Variants in TMEFF2 observed in about 807,000 individuals in gnomAD.
The protein encoded by TMEFF2 is transmembrane protein with EGF like and two follistatin like domains 2.
A neutral mutation model predicts 53.8 loss-of-function variants in TMEFF2; 28 were observed. The observed-to-expected ratio is 0.52, with a 90% CI of 0.39 to 0.71. TMEFF2 has a LOEUF of 0.71. TMEFF2 is among the 30% of genes least tolerant of loss of function. The pLI is 0.00. For missense variants in TMEFF2, 353 were observed against 455.2 expected, an observed-to-expected ratio of 0.78 and a Z score of 2.04; for synonymous variants, 162 against 166.3, an observed-to-expected ratio of 0.97 and a Z score of 0.20.
chr2:191,976,189 T>C (rs1685721669), intron 7 of TMEFF2, among the ~76,000 whole-genome samples: 1 of 152,186 alleles, frequency 6.6e-6, no homozygotes, highest in Non-Finnish European at 1.5e-5. Context: ...CTATTAGTTA[T>C]GGGGCCCAAA....
intron 5 of TMEFF2, chr2:192,035,014 A>C (rs1687250530): frequency 6.6e-6 from 1 of 152,130 alleles, no homozygotes; most frequent in Admixed American, 6.6e-5. Context: ...AATGATCCTT[A>C]GTTTCCCCAC....
chr2:192,007,268 A>C (rs911599168), intron 5 of TMEFF2, among the ~76,000 whole-genome samples: 1 of 152,220 alleles, frequency 6.6e-6, no homozygotes, highest in Non-Finnish European at 1.5e-5. Flanking sequence ...GATCTAAAAA[A>C]CATCAGTGGC....
chr2:192,151,022 C>T (rs1690375081), intron 4 of TMEFF2, among the ~76,000 whole-genome samples: 1 of 151,834 alleles, frequency 6.6e-6, no homozygotes, highest in African/African-American at 2.4e-5. Context: ...GTGATTGGAT[C>T]ATGGGGGCAT....
At chr2:192,184,557 A>G (rs1259996363) in intron 2 of TMEFF2, 74 bp from the exon 3 acceptor site, 10 of 1,555,798 alleles carry the variant, frequency 6.4e-6, no homozygotes, top group Non-Finnish European at 8.7e-6. Flanking sequence ...AACAGAAATA[A>G]TCATTTACAA....
chr2:191,962,797 G>A (rs915549716), intron 7 of TMEFF2, among the ~76,000 whole-genome samples: 1 of 152,106 alleles, frequency 6.6e-6, no homozygotes, highest in Non-Finnish European at 1.5e-5. Flanking sequence ...TGTTTGCTCT[G>A]TTTTTTGACT....
rs1258269402 is a variant in TMEFF2, at chr2:192,069,334, G to A, written c.440-11559C>T. Among the ~76,000 whole-genome samples, 8 of 145,834 alleles carry A rather than the reference G, an allele frequency of 5.5e-5. No individual in the cohort carries two copies. In the South Asian group the frequency reaches 6.5e-4, roughly 12 times the overall value. On this transcript the variant is annotated intron_variant, in intron 4 of 9. Coordinates refer to ENST00000272771, the MANE Select transcript of TMEFF2 (RefSeq NM_016192.4). The stretch of plus-strand genomic sequence containing the variant: ...AGCAGCCAATTAAGGAGGTCCCAGC[G>A]CCTTAGGTTTCATTCCCATCCAAAC...
At chr2:191,989,082 A>C (rs2105824105) in intron 7 of TMEFF2, among the ~76,000 whole-genome samples, 1 of 152,302 alleles carries the variant, frequency 6.6e-6, no homozygotes, top group Non-Finnish European at 1.5e-5. Context: ...CTTTGTGAAA[A>C]AACATTTGCA....
chr2:191,999,536 T>G (rs1686306219), intron 5 of TMEFF2, among the ~76,000 whole-genome samples: 1 of 152,082 alleles, frequency 6.6e-6, no homozygotes, highest in South Asian at 2.1e-4. Context: ...GCTGAGGTCA[T>G]GAAACTCTGC....
At position 191,949,944 on chromosome 2, in the gene TMEFF2, T is replaced by C. The variant is rs1427060001; in HGVS notation, c.*367A>G. The C allele has an allele frequency of 9.9e-7, 1 of 1,007,028 alleles. No individual in the cohort carries two copies. Among genetic ancestry groups the C allele is most frequent in the Non-Finnish European group, 1.2e-6 (1 of 843,278 alleles). 62.4% of individuals were successfully genotyped at this position (1,007,028 alleles called of 1,614,324 possible). A position where few individuals can be genotyped will look rare whatever the true frequency, so the allele number is the denominator to read the frequency against. ...TCAAGATGAGAAGAAACATGAAATA[T>C]TGGTAGCTGTACAGATTGTACTAGT... On this transcript the variant is annotated 3_prime_UTR_variant, in exon 10 of 10. Coordinates refer to ENST00000272771, the MANE Select transcript of TMEFF2 (RefSeq NM_016192.4).
At chr2:192,061,412 G>C (rs1178183895) in intron 4 of TMEFF2, among the ~76,000 whole-genome samples, 1 of 152,048 alleles carries the variant, frequency 6.6e-6, no homozygotes, top group East Asian at 1.9e-4. Context: ...TAAAAATAGA[G>C]TATAACACAT....
chr2:192,138,552 T>C (rs1231239627), intron 4 of TMEFF2, among the ~76,000 whole-genome samples: 3 of 152,196 alleles, frequency 2.0e-5, no homozygotes, highest in East Asian at 1.9e-4. Flanking sequence ...TGATGTTGCA[T>C]TACACAAATC....
intron 5 of TMEFF2, among the ~76,000 whole-genome samples, chr2:192,056,533 G>A (rs1429486448): frequency 6.6e-6 from 1 of 152,160 alleles, no homozygotes; most frequent in Non-Finnish European, 1.5e-5. Context: ...ATGTGCTTAA[G>A]GTGGGACGAA....
Position 192,194,356 on chromosome 2 carries a change from A to G in TMEFF2, c.169T>C (p.Ser57Pro), listed in dbSNP as rs781431736. The G allele has an allele frequency of 1.9e-6, 3 of 1,614,000 alleles. No individual in the cohort carries two copies. The highest frequency in any genetic ancestry group is 2.5e-6 in the Non-Finnish European group (3 of 1,179,970). Residue 57 changes from serine (S) to proline (P), a missense_variant, in exon 1 of 10, where the codon TCT becomes CCT. Transcript: ENST00000272771. This position sits in a 1 kb window ranked among gnomAD's most constrained non-coding sequence, Gnocchi z 4.2. ...DCQTPTGWNC[S>P]GYDDRENDLF... The stretch of plus-strand genomic sequence containing the variant: ...GGGACGGGGGTTCTGGACTTACCAG[A>G]GCAATTCCAGCCGGTGGGCGTTTGG...
intron 5 of TMEFF2, among the ~76,000 whole-genome samples, chr2:192,019,148 G>A (rs1686806673): frequency 6.6e-6 from 1 of 151,854 alleles, no homozygotes; most frequent in Non-Finnish European, 1.5e-5. Context: ...ATATTATGTT[G>A]AATGTGTTCT....
At chr2:192,003,491 C>T (rs1396407141) in intron 5 of TMEFF2, among the ~76,000 whole-genome samples, 1 of 152,176 alleles carries the variant, frequency 6.6e-6, no homozygotes, top group Non-Finnish European at 1.5e-5. Context: ...GAATTTAAAT[C>T]ATATTGACTC....
At chr2:192,168,509 A>C (rs544469056) in intron 4 of TMEFF2, among the ~76,000 whole-genome samples, 1 of 152,236 alleles carries the variant, frequency 6.6e-6, no homozygotes, top group African/African-American at 2.4e-5. Flanking sequence ...AGAATCCTAA[A>C]ATATCTTCAA....
intron 4 of TMEFF2, chr2:192,179,051 T>G (rs556770617): frequency 7.2e-6 from 1 of 139,408 alleles, no homozygotes; most frequent in Admixed American, 7.4e-5. Flanking sequence ...TCTCTCTCTC[T>G]CATCTTATAT....
intron 6 of TMEFF2, among the ~76,000 whole-genome samples, chr2:191,998,778 C>T (rs35991884): frequency 0.24 from 35,928 of 151,468 alleles, 4,371 homozygotes; most frequent in Middle Eastern, 0.28. Context: ...TTCTTTTTTC[C>T]CTTTGCAAGA....
chr2:192,136,771 C>A (rs1414101853), intron 4 of TMEFF2, among the ~76,000 whole-genome samples: 1 of 152,080 alleles, frequency 6.6e-6, no homozygotes, highest in Non-Finnish European at 1.5e-5. Context: ...ATATTTGACA[C>A]CTGTTTCCAT....
Sources: gnomAD v4.1 joint callset for allele counts (sites outside exome capture counted in the v4.1 genomes callset) on GRCh38, gnomAD v4.1.1 for gene constraint, Gnocchi (gnomAD v3.1) non-coding constraint, MANE v1.5 for transcripts, NCBI Gene and HGNC (gene_info 2026-07-23, HGNC 2026-07-21) for gene names.